The following PPP1R16B variants were observed in gnomAD, a reference collection of about 807,000 sequenced individuals.
The protein encoded by PPP1R16B is protein phosphatase 1 regulatory subunit 16B, also known as protein phosphatase 1 regulatory inhibitor subunit 16B.
PPP1R16B carries 14 observed loss-of-function variants against 61.7 expected under a neutral mutation model. The observed-to-expected ratio is 0.23, with a 90% confidence interval of 0.15 to 0.35. The LOEUF (loss-of-function observed/expected upper bound fraction) is 0.35. PPP1R16B is among the 10% of genes least tolerant of loss of function. The probability of loss-of-function intolerance (pLI) is 1.00; values close to 1 mark genes in which losing one functional copy is unlikely to be tolerated. For synonymous variants in PPP1R16B, 266 were observed against 305.3 expected (o/e 0.87, Z 1.34); for missense variants, 547 against 752.5 (o/e 0.73, Z 3.19).
At chr20:38,912,443 G>A (rs891883442) in intron 10 of PPP1R16B, among the ~76,000 whole-genome samples, 3 of 150,514 alleles carry the variant, frequency 2.0e-5, no homozygotes, top group Non-Finnish European at 4.4e-5. Flanking sequence ...TGAGGTGGGA[G>A]GATCTTCTGA....
rs1055451940 is a variant in PPP1R16B, at chr20:38,920,740, C to A, written c.*2074C>A. The stretch of plus-strand genomic sequence containing the variant: ...ATGTATTCTAGAGTAGGGGTGGAGG[C>A]GGCCCAGGAGGCTGAAGACAGGTGC... On this transcript the variant is annotated 3_prime_UTR_variant, in exon 11 of 11. Coordinates refer to ENST00000299824, the MANE Select transcript of PPP1R16B (RefSeq NM_015568.4). 1.3e-5 allele frequency: 2 copies of A among 152,304 alleles called. No homozygotes were observed. The highest frequency in any genetic ancestry group is 2.9e-5 in the Non-Finnish European group (2 of 68,126). 9.4% of individuals were successfully genotyped at this position (152,304 alleles called of 1,614,324 possible).
rs2084664261 is a variant in PPP1R16B at position 38,806,711 on chromosome 20, G to A, written c.-102+919G>A. On this transcript the variant is annotated intron_variant, in intron 1 of 10. Transcript: ENST00000299824. This position sits in a 1 kb window ranked among gnomAD's most constrained non-coding sequence, Gnocchi z 4.5. Reference sequence around the variant, plus strand: ...TCCCCCATGTAGACTCCCTTCCTCCGCTCCCCCACCCCGGCCCGGCCTCCA... The same window carrying A: ...TCCCCCATGTAGACTCCCTTCCTCCACTCCCCCACCCCGGCCCGGCCTCCA... 6.6e-6 allele frequency among the ~76,000 whole-genome samples: 1 copy of A among 152,104 alleles called. No individual in the cohort carries two copies.
intron 1 of PPP1R16B, among the ~76,000 whole-genome samples, chr20:38,813,742 T>A (rs2084716382): frequency 6.7e-6 from 1 of 150,008 alleles, no homozygotes; most frequent in Non-Finnish European, 1.5e-5. Context: ...CTAACAACTC[T>A]AAGGGGTGAC....
At chr20:38,916,008 C>T (rs1283386528) in intron 10 of PPP1R16B, among the ~76,000 whole-genome samples, 2 of 150,978 alleles carry the variant, frequency 1.3e-5, no homozygotes, top group African/African-American at 2.4e-5. Flanking sequence ...ACTAGGACCA[C>T]CAAGAAACGG....
chr20:38,869,984 C>T (rs757033624), intron 2 of PPP1R16B, among the ~76,000 whole-genome samples: 1 of 151,814 alleles, frequency 6.6e-6, no homozygotes, highest in African/African-American at 2.4e-5. Flanking sequence ...AACACAGTGA[C>T]GCGATCCCAG....
chr20:38,828,517 T>TA (rs1282888860), intron 1 of PPP1R16B, among the ~76,000 whole-genome samples: 2 of 152,238 alleles, frequency 1.3e-5, no homozygotes, highest in Non-Finnish European at 2.9e-5. Context: ...TTGGCTTGGA[T>TA]AACTGAAGTC....
chr20:38,912,494 A>AC (rs1487052471), intron 10 of PPP1R16B, among the ~76,000 whole-genome samples: 5 of 88,040 alleles, frequency 5.7e-5, no homozygotes, highest in Non-Finnish European at 1.1e-4. Context: ...CCGTATCTCT[A>AC]CCCCCCACCA....
In PPP1R16B at chr20:38,806,915, C is replaced by T. The variant is rs1389301999; in HGVS notation, c.-102+1123C>T. Among the ~76,000 whole-genome samples, 1 of 152,212 alleles carries T rather than the reference C, an allele frequency of 6.6e-6. No homozygotes were observed. Among genetic ancestry groups the T allele is most frequent in the Non-Finnish European group, 1.5e-5 (1 of 68,038 alleles). On this transcript the variant is annotated intron_variant, in intron 1 of 10. Transcript: ENST00000299824. The surrounding 1 kb of genome is among the most constrained non-coding windows in gnomAD (Gnocchi z 4.5). ...AGGGAGAGGGATGTGGCTTCATCAG[C>T]GCTTCTAGGAACCGAAAACCGAGCT...
chr20:38,852,787 A>G (rs1273793417), intron 2 of PPP1R16B, among the ~76,000 whole-genome samples: 1 of 62,452 alleles, frequency 1.6e-5, no homozygotes, highest in Non-Finnish European at 3.0e-5. Context: ...TGGGGGTAGC[A>G]TGGGGGGATA....
intron 6 of PPP1R16B, 34 bp from the exon 7 acceptor site, chr20:38,905,935 C>T: frequency 6.2e-7 from 1 of 1,603,744 alleles, no homozygotes; most frequent in Non-Finnish European, 8.5e-7. Context: ...GGGCTGATCC[C>T]CTGAGGAATG....
chr20:38,851,760 C>T (rs2084970398), intron 2 of PPP1R16B, among the ~76,000 whole-genome samples: 1 of 152,202 alleles, frequency 6.6e-6, no homozygotes, highest in Admixed American at 6.5e-5. Flanking sequence ...GTGGCTCATA[C>T]CTGTAATCCC....
chr20:38,886,362 A>G (rs1485490973), intron 2 of PPP1R16B, among the ~76,000 whole-genome samples: 2 of 152,178 alleles, frequency 1.3e-5, no homozygotes. Flanking sequence ...GAACACCCCA[A>G]TAATTACTGT....
At chr20:38,816,222 G>C (rs1416995700) in intron 1 of PPP1R16B, among the ~76,000 whole-genome samples, 4 of 152,226 alleles carry the variant, frequency 2.6e-5, no homozygotes, top group Non-Finnish European at 5.9e-5. Flanking sequence ...GAGGGAGCCT[G>C]TGGGGAAACC....
intron 2 of PPP1R16B, among the ~76,000 whole-genome samples, chr20:38,874,093 C>A (rs1479529054): frequency 1.3e-5 from 2 of 152,166 alleles, no homozygotes; most frequent in African/African-American, 4.8e-5. Flanking sequence ...GACACATTAG[C>A]CCTGTTCACT....
intron 6 of PPP1R16B, among the ~76,000 whole-genome samples, chr20:38,904,353 C>T (rs2085422786): frequency 6.6e-6 from 1 of 152,238 alleles, no homozygotes; most frequent in African/African-American, 2.4e-5. Flanking sequence ...TACTAGGTCT[C>T]AGGTCTTCCC....
chr20:38,895,889 C>CCTCCCTTCCTCCTTCCTTCTTTCTCT (rs2085335302), intron 4 of PPP1R16B, among the ~76,000 whole-genome samples, 179 bp downstream of exon 4: 5 of 45,248 alleles, frequency 1.1e-4, no homozygotes, highest in Admixed American at 2.3e-4. Context: ...CTTCTTTCTT[C>CCTCCCTTCCTCCTTCCTTCTTTCTCT]CCTCCCTCCC....
intron 2 of PPP1R16B, among the ~76,000 whole-genome samples, chr20:38,862,751 G>A (rs2085061292): frequency 6.6e-6 from 1 of 152,202 alleles, no homozygotes; most frequent in Admixed American, 6.5e-5. Flanking sequence ...GCCTGCCCTA[G>A]GGTGGGGAGT....
chr20:38,887,569 A>G (rs1183484151), intron 2 of PPP1R16B, among the ~76,000 whole-genome samples: 2 of 152,200 alleles, frequency 1.3e-5, no homozygotes, highest in Non-Finnish European at 2.9e-5. Context: ...AGAAGATGAA[A>G]ATGGTCTATT....
chr20:38,887,635 T>A (rs1303911508), intron 2 of PPP1R16B, among the ~76,000 whole-genome samples: 2 of 152,226 alleles, frequency 1.3e-5, no homozygotes, highest in East Asian at 3.8e-4. Context: ...ACAGCATGCC[T>A]GAGAAACTAA....
Sources: allele counts gnomAD v4.1 joint callset (sites outside exome capture counted in the v4.1 genomes callset), GRCh38; gene constraint gnomAD v4.1.1; non-coding constraint Gnocchi (gnomAD v3.1); transcripts MANE v1.5; gene names NCBI Gene and HGNC (gene_info 2026-07-23, HGNC 2026-07-21).